The following LRRC1 variants were observed in gnomAD, a reference collection of about 807,000 sequenced individuals.
LRRC1 encodes the protein leucine rich repeat containing 1.
In LRRC1, 28 loss-of-function variants were observed where a neutral mutation model predicts 69.9. That is an observed-to-expected ratio of 0.40 (90% confidence interval 0.30 to 0.55). The LOEUF (loss-of-function observed/expected upper bound fraction) is 0.55, where lower values mean the gene tolerates loss of function less well. LRRC1 is among the 20% of genes least tolerant of loss of function. The pLI is 0.47. For missense variants in LRRC1, 498 were observed against 609.0 expected, an observed-to-expected ratio of 0.82 and a Z score of 1.92; for synonymous variants, 236 against 240.2, an observed-to-expected ratio of 0.98 and a Z score of 0.16.
chr6:53,796,061 G>A (rs1764291164), intron 1 of LRRC1, among the ~76,000 whole-genome samples: 2 of 152,244 alleles, frequency 1.3e-5, no homozygotes, highest in South Asian at 4.1e-4. Context: ...GATGCCGGCC[G>A]CCCGGGCCTT....
At chr6:53,885,801 C>G (rs1767454954) in intron 4 of LRRC1, among the ~76,000 whole-genome samples, 2 of 152,156 alleles carry the variant, frequency 1.3e-5, no homozygotes, top group South Asian at 4.1e-4. Context: ...CTGGACACAT[C>G]TCTCCCATCA....
At chr6:53,912,636 G>A (rs1274246693) in intron 10 of LRRC1, among the ~76,000 whole-genome samples, 3 of 152,132 alleles carry the variant, frequency 2.0e-5, no homozygotes, top group East Asian at 3.9e-4. Flanking sequence ...ATATTTTTAA[G>A]GGAGGAAATA....
intron 7 of LRRC1, among the ~76,000 whole-genome samples, chr6:53,898,755 G>T (rs1303604011): frequency 1.3e-5 from 2 of 152,168 alleles, no homozygotes; most frequent in Non-Finnish European, 2.9e-5. Context: ...ATCTAGTCTA[G>T]TTTCCTTTAG....
At position 53,862,286 on chromosome 6, in the gene LRRC1, C is replaced by CGTGTGTGT. The variant is rs6149589; in HGVS notation, c.278-16674_278-16667dup. Among the ~76,000 whole-genome samples, 164 of 144,368 alleles carry CGTGTGTGT rather than the reference C, an allele frequency of 1.1e-3. 1 individual carries two copies. The highest frequency in any genetic ancestry group is 3.6e-3 in the Middle Eastern group (1 of 274). The allele number at this position is 144,368 out of a possible 152,430, so 94.7% of individuals were successfully genotyped here. Reference sequence around the variant, plus strand: ...TCTTGAAGTAGCCATTAACCTGAATCGTGTGTGTGTGTGTGTGTGTGTGTG... The same window carrying CGTGTGTGT: ...TCTTGAAGTAGCCATTAACCTGAATCGTGTGTGTGTGTGTGTGTGTGTGTGTGTGTGTG... On this transcript the variant is annotated intron_variant, in intron 2 of 13. Coordinates refer to ENST00000370888, the MANE Select transcript of LRRC1 (RefSeq NM_018214.5).
At chr6:53,880,811 C>A (rs886685148) in intron 3 of LRRC1, among the ~76,000 whole-genome samples, 2 of 152,196 alleles carry the variant, frequency 1.3e-5, no homozygotes, top group Non-Finnish European at 2.9e-5. Flanking sequence ...GTCTTCAATG[C>A]AACTGTCATT....
At chr6:53,844,337 A>G (rs1487575130) in intron 2 of LRRC1, among the ~76,000 whole-genome samples, 4 of 152,234 alleles carry the variant, frequency 2.6e-5, no homozygotes, top group Admixed American at 2.0e-4. Context: ...ATAAACAGAA[A>G]TACTTAAGAA....
At chr6:53,843,883 A>G (rs1011336591) in intron 2 of LRRC1, among the ~76,000 whole-genome samples, 6 of 152,116 alleles carry the variant, frequency 3.9e-5, no homozygotes, top group Non-Finnish European at 7.3e-5. Context: ...CCCCTGCTGC[A>G]GCATTTGTTT....
At chr6:53,890,660 A>G (rs1483442584) in intron 4 of LRRC1, among the ~76,000 whole-genome samples, 1 of 152,214 alleles carries the variant, frequency 6.6e-6, no homozygotes, top group African/African-American at 2.4e-5. Flanking sequence ...ACAAAAATAA[A>G]GATTTTTTAA....
intron 1 of LRRC1, among the ~76,000 whole-genome samples, chr6:53,839,365 C>T (rs748631995): frequency 1.6e-4 from 24 of 152,068 alleles, no homozygotes; most frequent in Non-Finnish European, 1.5e-5. Context: ...TGTTAGCATC[C>T]TACAAAATTA....
At position 53,825,026 on chromosome 6, in the gene LRRC1, T is replaced by C. The variant is rs187987234; in HGVS notation, c.160-17084T>C. Among the ~76,000 whole-genome samples, 23 of 152,360 alleles carry C rather than the reference T, an allele frequency of 1.5e-4. No homozygotes were observed. In the East Asian group the frequency reaches 3.3e-3, roughly 22 times the overall value. On this transcript the variant is annotated intron_variant, in intron 1 of 13. Coordinates refer to ENST00000370888, the MANE Select transcript of LRRC1 (RefSeq NM_018214.5). ...CTTTCACCATATAACAGACTACATA[T>C]TCAAAGGACATTTGATGTTCCCTGC... is the stretch of plus-strand genomic sequence containing the variant.
chr6:53,923,224 T>G lies in LRRC1; in HGVS notation c.*431T>G, dbSNP rs1768791784. 6.5e-6 allele frequency: 1 copy of G among 154,888 alleles called. No individual in the cohort carries two copies. The highest frequency in any genetic ancestry group is 1.4e-5 in the Non-Finnish European group (1 of 69,674). 9.6% of individuals were successfully genotyped at this position (154,888 alleles called of 1,614,324 possible). On this transcript the variant is annotated 3_prime_UTR_variant, in exon 14 of 14. Coordinates refer to ENST00000370888, the MANE Select transcript of LRRC1 (RefSeq NM_018214.5). ...AAAAATGGATACTTTTTAAACCTTT[T>G]TTGGCAGCTCAGATGGTGTAAATTT...
intron 1 of LRRC1, among the ~76,000 whole-genome samples, chr6:53,818,283 A>G (rs1765010156): frequency 6.6e-6 from 1 of 152,214 alleles, no homozygotes; most frequent in African/African-American, 2.4e-5. Flanking sequence ...ATTAAAATTA[A>G]AAATCTAGCC....
chr6:53,842,223 A>C lies in LRRC1; in HGVS notation c.273A>C (p.Arg91=). The C allele has an allele frequency of 6.2e-7, 1 of 1,608,646 alleles. No individual in the cohort carries two copies. The highest frequency in any genetic ancestry group is 8.5e-7 in the Non-Finnish European group (1 of 1,175,470). ...FMQLVELDVS[R]NEIPEIPESI... ...AGCTGGTGGAACTAGATGTGTCTCG[A>C]AATGGTAAGAAAGATTCCACTTGGG... The change falls in exon 2 of 14, where the codon CGA becomes CGC. Residue 91 remains arginine (R), a synonymous_variant. Coordinates refer to ENST00000370888, the MANE Select transcript of LRRC1 (RefSeq NM_018214.5).
At chr6:53,836,825 TC>T (rs1765625665) in intron 1 of LRRC1, among the ~76,000 whole-genome samples, 1 of 152,204 alleles carries the variant, frequency 6.6e-6, no homozygotes, top group South Asian at 2.1e-4. Flanking sequence ...CTTTTCCTGA[TC>T]ATAATCCCCC....
chr6:53,841,124 G>A (rs1340172140), intron 1 of LRRC1, among the ~76,000 whole-genome samples: 2 of 152,172 alleles, frequency 1.3e-5, no homozygotes, highest in Admixed American at 6.5e-5. Context: ...ACCAGGCTTT[G>A]TCTCAGTCCC....
intron 1 of LRRC1, among the ~76,000 whole-genome samples, chr6:53,821,642 A>G (rs578227029): frequency 1.2e-4 from 19 of 152,292 alleles, no homozygotes; most frequent in African/African-American, 4.3e-4. Context: ...CATGATTATT[A>G]TCTGAGAAGT....
chr6:53,871,199 T>G (rs545511647), intron 2 of LRRC1, among the ~76,000 whole-genome samples: 1 of 152,316 alleles, frequency 6.6e-6, no homozygotes, highest in South Asian at 2.1e-4. Flanking sequence ...TTTGAATTTT[T>G]TGAGGAACCG....
chr6:53,918,169 T>G (rs1768628798), intron 11 of LRRC1, among the ~76,000 whole-genome samples: 1 of 152,228 alleles, frequency 6.6e-6, no homozygotes, highest in Admixed American at 6.5e-5. Context: ...TCTTATAATG[T>G]ACAATTCATA....
At chr6:53,825,449 C>A (rs1393220673) in intron 1 of LRRC1, among the ~76,000 whole-genome samples, 1 of 152,220 alleles carries the variant, frequency 6.6e-6, no homozygotes, top group South Asian at 2.1e-4. Context: ...TCGTGTTATA[C>A]TGCCACTGTT....
Sources: allele counts gnomAD v4.1 joint callset (sites outside exome capture counted in the v4.1 genomes callset), GRCh38; gene constraint gnomAD v4.1.1; transcripts MANE v1.5; gene names NCBI Gene and HGNC (gene_info 2026-07-23, HGNC 2026-07-21).